Variants in CNTN3 observed in about 807,000 individuals in gnomAD.
The protein encoded by CNTN3 is contactin-3.
Under a neutral mutation model 119.1 loss-of-function variants are expected in CNTN3, and 60 were observed. That is an observed-to-expected ratio of 0.50 (90% CI 0.41 to 0.62). The LOEUF is 0.62. Ranked by LOEUF, CNTN3 falls within the 20% of genes least tolerant of loss-of-function variation. CNTN3 has a pLI of 0.00. For missense variants in CNTN3, 1,101 were observed against 1,242.4 expected, an observed-to-expected ratio of 0.89 and a Z score of 1.71; for synonymous variants, 450 against 438.7, an observed-to-expected ratio of 1.03 and a Z score of -0.32.
At chr3:74,554,547 G>T (rs1395213334) in intron 1 of CNTN3, among the ~76,000 whole-genome samples, 3 of 152,172 alleles carry the variant, frequency 2.0e-5, no homozygotes, top group Non-Finnish European at 4.4e-5. Flanking sequence ...TCCTATCCAT[G>T]AGCATGGAAT....
At chr3:74,434,252 G>A (rs893412183) in intron 4 of CNTN3, among the ~76,000 whole-genome samples, 12 of 152,192 alleles carry the variant, frequency 7.9e-5, no homozygotes, top group African/African-American at 2.9e-4. Context: ...GAACCTCACA[G>A]GGCTTTTCAA....
At chr3:74,438,131 T>C (rs1418853197) in intron 4 of CNTN3, among the ~76,000 whole-genome samples, 1 of 152,288 alleles carries the variant, frequency 6.6e-6, no homozygotes. Flanking sequence ...TGGGAACAAA[T>C]TATACCACTT....
At chr3:74,515,524 T>C (rs930644183) in intron 2 of CNTN3, among the ~76,000 whole-genome samples, 1 of 151,974 alleles carries the variant, frequency 6.6e-6, no homozygotes, top group African/African-American at 2.4e-5. Flanking sequence ...GTGGGTGAAA[T>C]AAATCAGCAA....
chr3:74,418,756 C>T (rs991009656), intron 5 of CNTN3, among the ~76,000 whole-genome samples: 11 of 151,574 alleles, frequency 7.3e-5, no homozygotes, highest in African/African-American at 2.4e-4. Context: ...TTGAAAAATG[C>T]TAATGTTTTA....
chr3:74,396,645 C>G (rs910014687), intron 5 of CNTN3, among the ~76,000 whole-genome samples: 3 of 149,244 alleles, frequency 2.0e-5, no homozygotes, highest in African/African-American at 7.4e-5. Context: ...ACTGGGGAGG[C>G]TGAGGCAGGA....
intron 5 of CNTN3, among the ~76,000 whole-genome samples, chr3:74,419,616 C>G (rs903720047): frequency 2.0e-5 from 3 of 152,126 alleles, no homozygotes; most frequent in Non-Finnish European, 4.4e-5. Context: ...TACAAGACTT[C>G]CATTTCAAGA....
intron 5 of CNTN3, among the ~76,000 whole-genome samples, chr3:74,405,784 C>T (rs1039210951): frequency 2.6e-5 from 4 of 151,976 alleles, no homozygotes; most frequent in African/African-American, 9.7e-5. Flanking sequence ...TTTATAATGA[C>T]TATGGCTAGT....
chr3:74,433,455 G>C lies in CNTN3; in HGVS notation c.359-8515C>G, dbSNP rs74771377. Among the ~76,000 whole-genome samples the C allele has an allele frequency of 2.0e-3, 308 of 152,232 alleles. 1 individual carries two copies. In the South Asian group the frequency reaches 0.03, roughly 15 times the overall value. On this transcript the variant is annotated intron_variant, in intron 4 of 22. Coordinates refer to ENST00000263665, the MANE Select transcript of CNTN3 (RefSeq NM_020872.3). Reference sequence around the variant, plus strand: ...CTCCAAGCAGAGACTGAAGTATTTCGTATTTTTCTAACACTATTTAGGAAA... The same window carrying C: ...CTCCAAGCAGAGACTGAAGTATTTCCTATTTTTCTAACACTATTTAGGAAA...
intron 13 of CNTN3, among the ~76,000 whole-genome samples, chr3:74,308,860 T>C (rs946729144): frequency 6.6e-6 from 1 of 152,134 alleles, no homozygotes; most frequent in East Asian, 1.9e-4. Flanking sequence ...ATAAAATGTA[T>C]ATTTTTATCC....
At chr3:74,410,397 T>C (rs978936060) in intron 5 of CNTN3, among the ~76,000 whole-genome samples, 1 of 152,146 alleles carries the variant, frequency 6.6e-6, no homozygotes, top group Non-Finnish European at 1.5e-5. Context: ...CTGTAAATGG[T>C]TGGCAATAAT....
intron 5 of CNTN3, among the ~76,000 whole-genome samples, chr3:74,376,650 T>C (rs1303886331): frequency 2.0e-5 from 3 of 152,008 alleles, no homozygotes; most frequent in African/African-American, 7.2e-5. Flanking sequence ...AAGTACACCA[T>C]AGATAAATGT....
intron 1 of CNTN3, among the ~76,000 whole-genome samples, chr3:74,549,738 A>G (rs1176522445): frequency 6.6e-6 from 1 of 152,198 alleles, no homozygotes; most frequent in African/African-American, 2.4e-5. Flanking sequence ...AAGACCTTGC[A>G]GCAGATTAAG....
intron 20 of CNTN3, among the ~76,000 whole-genome samples, chr3:74,277,569 C>T (rs1701906464): frequency 6.6e-6 from 1 of 152,072 alleles, no homozygotes; most frequent in South Asian, 2.1e-4. Context: ...ATCCAGCATC[C>T]CTTTATGATT....
At chr3:74,582,968 T>C (rs1334241599) in intron 1 of CNTN3, among the ~76,000 whole-genome samples, 1 of 152,182 alleles carries the variant, frequency 6.6e-6, no homozygotes, top group Non-Finnish European at 1.5e-5. Context: ...AGTGACTCAA[T>C]GACAATATGG....
At chr3:74,278,664 A>C (rs2106767556) in intron 20 of CNTN3, among the ~76,000 whole-genome samples, 1 of 152,336 alleles carries the variant, frequency 6.6e-6, no homozygotes, top group African/African-American at 2.4e-5. Context: ...TCTAGAAGAT[A>C]ACATTGGAAA....
At chr3:74,460,015 G>A (rs1282058338) in intron 4 of CNTN3, among the ~76,000 whole-genome samples, 1 of 151,844 alleles carries the variant, frequency 6.6e-6, no homozygotes, top group African/African-American at 2.4e-5. Flanking sequence ...TGTTGAAAAG[G>A]GTACCCTTCC....
At chr3:74,540,066 G>C (rs1703821393) in intron 1 of CNTN3, among the ~76,000 whole-genome samples, 1 of 152,112 alleles carries the variant, frequency 6.6e-6, no homozygotes, top group Admixed American at 6.6e-5. Flanking sequence ...AAAGTGCACA[G>C]TTAGCAAAAC....
At chr3:74,553,742 T>C (rs1268962995) in intron 1 of CNTN3, among the ~76,000 whole-genome samples, 1 of 152,228 alleles carries the variant, frequency 6.6e-6, no homozygotes, top group African/African-American at 2.4e-5. Flanking sequence ...TCATGTCCTT[T>C]GCCCATTTTT....
intron 13 of CNTN3, among the ~76,000 whole-genome samples, chr3:74,313,133 A>T (rs1702737357): frequency 6.6e-6 from 1 of 152,040 alleles, no homozygotes; most frequent in South Asian, 2.1e-4. Flanking sequence ...TACAAAACAG[A>T]GAAAAACAGA....
Sources: gnomAD v4.1 joint callset for allele counts (sites outside exome capture counted in the v4.1 genomes callset) on GRCh38, gnomAD v4.1.1 for gene constraint, MANE v1.5 for transcripts, NCBI Gene and HGNC (gene_info 2026-07-23, HGNC 2026-07-21) for gene names.